Variants in AKAP13 observed in about 807,000 individuals in gnomAD.
AKAP13 encodes the protein A-kinase anchoring protein 13.
In AKAP13, 80 loss-of-function variants were observed where a neutral mutation model predicts 264.5. The observed-to-expected ratio is 0.30, with a 90% CI of 0.25 to 0.36. The LOEUF is 0.36. Among genes scored for constraint, AKAP13 ranks in the 10% least tolerant of loss-of-function variants. The pLI is 1.00. For synonymous variants in AKAP13, 1,380 were observed against 1,250.2 expected, an observed-to-expected ratio of 1.10 and a Z score of -2.19; for missense variants, 3,712 against 3,435.2, an observed-to-expected ratio of 1.08 and a Z score of -2.01.
chr15:85,570,030 T>C (rs1284838564), intron 5 of AKAP13, among the ~76,000 whole-genome samples: 1 of 142,502 alleles, frequency 7.0e-6, no homozygotes, highest in Admixed American at 7.3e-5. Flanking sequence ...TGAGCCGAGA[T>C]TGTGCCACTG....
At chr15:85,665,097 G>A (rs1378061342) in intron 13 of AKAP13, among the ~76,000 whole-genome samples, 1 of 152,092 alleles carries the variant, frequency 6.6e-6, no homozygotes, top group Non-Finnish European at 1.5e-5. Context: ...CAGCTACTCG[G>A]GAGGCTGAGG....
intron 1 of AKAP13, among the ~76,000 whole-genome samples, chr15:85,386,265 C>T (rs1405151529): frequency 1.3e-5 from 2 of 151,880 alleles, no homozygotes; most frequent in Non-Finnish European, 2.9e-5. Flanking sequence ...AACTTAAGAG[C>T]TCAAAGACTT....
intron 1 of AKAP13, among the ~76,000 whole-genome samples, chr15:85,412,308 T>C (rs1161050250): frequency 1.3e-5 from 2 of 152,238 alleles, no homozygotes; most frequent in African/African-American, 2.4e-5. Flanking sequence ...ATTAAAATAC[T>C]ACTCCTTTTT....
chr15:85,570,095 A>C (rs1197242417), intron 5 of AKAP13, among the ~76,000 whole-genome samples: 8 of 149,136 alleles, frequency 5.4e-5, no homozygotes, highest in South Asian at 2.2e-4. Context: ...AAAAAAAAAA[A>C]CCACTGGATT....
intron 33 of AKAP13, among the ~76,000 whole-genome samples, chr15:85,738,302 G>A (rs1228416680): frequency 1.3e-5 from 2 of 151,840 alleles, no homozygotes; most frequent in Admixed American, 6.6e-5. Context: ...TGAGGCAGGA[G>A]AATTGCTTGA....
chr15:85,732,536 A>G (rs914755302), intron 30 of AKAP13, among the ~76,000 whole-genome samples: 2 of 150,268 alleles, frequency 1.3e-5, no homozygotes, highest in Non-Finnish European at 1.5e-5. Context: ...GAAAATTTAT[A>G]TTTACACTTT....
intron 1 of AKAP13, among the ~76,000 whole-genome samples, chr15:85,442,359 G>C (rs1316973518): frequency 2.1e-5 from 3 of 143,274 alleles, no homozygotes; most frequent in Non-Finnish European, 4.5e-5. Context: ...GCAGTGAGCC[G>C]AGATCGTGCC....
intron 18 of AKAP13, among the ~76,000 whole-genome samples, chr15:85,709,837 G>A (rs773150616): frequency 3.3e-5 from 5 of 151,966 alleles, no homozygotes; most frequent in African/African-American, 1.2e-4. Flanking sequence ...ACAGGTGCCC[G>A]TCACCATGCC....
At chr15:85,628,984 G>A (rs2081564461) in intron 8 of AKAP13, among the ~76,000 whole-genome samples, 1 of 152,120 alleles carries the variant, frequency 6.6e-6, no homozygotes. Flanking sequence ...CTTGAGGCTT[G>A]GAGTTCAAGA....
chr15:85,579,985 A>C lies in AKAP13; in HGVS notation c.1917A>C (p.Ser639=), dbSNP rs112396662. The C allele has an allele frequency of 6.2e-7, 1 of 1,614,118 alleles. No homozygotes were observed. Among genetic ancestry groups the C allele is most frequent in the African/African-American group, 1.3e-5 (1 of 74,952 alleles). The part of the protein sequence containing the change: ...VMPHQNSETN[S]SHAQSQKGKS... ...CACACCAGAACTCAGAAACAAATTC[A>C]TCTCATGCTCAAAGCCAAAAGGGCA... Residue 639 remains serine (S), a synonymous_variant, in exon 7 of 37, where the codon TCA becomes TCC. Transcript: ENST00000394518.
chr15:85,479,072 T>C (rs936708819), intron 1 of AKAP13, among the ~76,000 whole-genome samples: 16 of 152,374 alleles, frequency 1.1e-4, no homozygotes, highest in African/African-American at 3.6e-4. Flanking sequence ...TTGTAAGACT[T>C]CCTCAGTCCC....
Position 85,543,011 on chromosome 15 carries a change from C to G in AKAP13, c.479-761C>G, listed in dbSNP as rs1033770954. On this transcript the variant is annotated intron_variant, in intron 4 of 36. Transcript: ENST00000394518. ...ATGCCAGATTCGAACCCTGATTTGTCTAACTACAAGCCCTTCCTCATTCTG... is the reference window on the plus strand; with the variant it reads ...ATGCCAGATTCGAACCCTGATTTGTGTAACTACAAGCCCTTCCTCATTCTG... Among the ~76,000 whole-genome samples, 3 of 152,226 alleles carry G rather than the reference C, an allele frequency of 2.0e-5. No individual in the cohort carries two copies. The South Asian group carries it at 6.2e-4, about 32-fold the overall frequency.
Position 85,419,392 on chromosome 15 carries a change from T to G in AKAP13, c.-12+38594T>G, listed in dbSNP as rs2072405037. On this transcript the variant is annotated intron_variant, in intron 1 of 36. Coordinates refer to ENST00000394518, the MANE Select transcript of AKAP13 (RefSeq NM_007200.5). ...ATCATACTGATGAACTTGATCTGCA[T>G]TTTGGACTGAGCTTAGTCATACAAG... is the stretch of plus-strand genomic sequence containing the variant. Among the ~76,000 whole-genome samples the G allele has an allele frequency of 2.0e-5, 3 of 152,246 alleles. No individual in the cohort carries two copies. In the South Asian group the frequency reaches 6.2e-4, roughly 31 times the overall value.
At chr15:85,494,458 A>G (rs1411328557) in intron 2 of AKAP13, among the ~76,000 whole-genome samples, 1 of 152,198 alleles carries the variant, frequency 6.6e-6, no homozygotes, top group African/African-American at 2.4e-5. Flanking sequence ...GGCGACGTGG[A>G]TGAATCCCAT....
At chr15:85,684,231 C>T (rs1334642062) in intron 15 of AKAP13, among the ~76,000 whole-genome samples, 1 of 152,104 alleles carries the variant, frequency 6.6e-6, no homozygotes, top group Non-Finnish European at 1.5e-5. Context: ...AATTGACAGG[C>T]TCTTTTTAAC....
chr15:85,430,153 A>G (rs770391168), intron 1 of AKAP13, among the ~76,000 whole-genome samples: 1 of 152,200 alleles, frequency 6.6e-6, no homozygotes. Context: ...TCTCATTAAT[A>G]TGGAGCCTGT....
Position 85,407,308 on chromosome 15 carries a change from A to G in AKAP13, c.-12+26510A>G, listed in dbSNP as rs1596070433. Among the ~76,000 whole-genome samples, 4 of 149,542 alleles carry G rather than the reference A, an allele frequency of 2.7e-5. No homozygotes were observed. The South Asian group carries it at 8.6e-4, about 32-fold the overall frequency. ...AGTGGTGCGATCTGGGCTCACTGCA[A>G]CCTCCGCCTCCTGGGTTCAAGAGAT... On this transcript the variant is annotated intron_variant, in intron 1 of 36. Coordinates refer to ENST00000394518, the MANE Select transcript of AKAP13 (RefSeq NM_007200.5).
chr15:85,693,950 G>A (rs377246336), intron 17 of AKAP13, among the ~76,000 whole-genome samples: 1 of 152,154 alleles, frequency 6.6e-6, no homozygotes, highest in Non-Finnish European at 1.5e-5. Flanking sequence ...ATGCATTTTT[G>A]ACTTAATAGT....
At chr15:85,442,013 T>C (rs958452883) in intron 1 of AKAP13, among the ~76,000 whole-genome samples, 2 of 152,204 alleles carry the variant, frequency 1.3e-5, no homozygotes, top group East Asian at 3.8e-4. Context: ...GTTAAGAAGG[T>C]GACTCTGTTA....
Sources: allele counts gnomAD v4.1 joint callset (sites outside exome capture counted in the v4.1 genomes callset), GRCh38; gene constraint gnomAD v4.1.1; transcripts MANE v1.5; gene names NCBI Gene and HGNC (gene_info 2026-07-23, HGNC 2026-07-21).